Variants in FLVCR2 observed in about 807,000 individuals in gnomAD.
FLVCR2 encodes the protein FLVCR choline and putative heme transporter 2.
FLVCR2 carries 38 observed loss-of-function variants against 48.9 expected under a neutral mutation model. That is an observed-to-expected ratio of 0.78 (90% CI 0.60 to 1.02). The LOEUF is 1.02. Ranked by LOEUF, FLVCR2 falls within the 50% of genes least tolerant of loss-of-function variation. The probability of loss-of-function intolerance (pLI) is 0.00; values close to 1 mark genes in which losing one functional copy is unlikely to be tolerated. For synonymous variants in FLVCR2, 255 were observed against 257.0 expected, an observed-to-expected ratio of 0.99 and a Z score of 0.07; for missense variants, 664 against 663.3, an observed-to-expected ratio of 1.00 and a Z score of -0.01.
intron 1 of FLVCR2, among the ~76,000 whole-genome samples, chr14:75,613,030 G>A (rs1415379108): frequency 6.6e-6 from 1 of 152,184 alleles, no homozygotes; most frequent in Non-Finnish European, 1.5e-5. Context: ...TGCCTAAATA[G>A]TACCAACTTT....
At chr14:75,633,509 C>T (rs1374985422) in intron 3 of FLVCR2, 120 bp from the exon 4 acceptor site, 2 of 813,674 alleles carry the variant, frequency 2.5e-6, no homozygotes, top group African/African-American at 1.7e-5. Context: ...TCTGAGGATA[C>T]TGCTCAGAGT....
At chr14:75,595,670 G>A (rs1889000816) in intron 1 of FLVCR2, 1 of 588,402 alleles carries the variant, frequency 1.7e-6, no homozygotes, top group Non-Finnish European at 3.0e-6. Flanking sequence ...GCTATTGACA[G>A]CAAACAGAGT....
At chr14:75,611,439 AAAACC>A (rs1478443549) in intron 1 of FLVCR2, among the ~76,000 whole-genome samples, 7 of 152,280 alleles carry the variant, frequency 4.6e-5, no homozygotes, top group South Asian at 2.1e-4. Context: ...CTCATCTGTA[AAAACC>A]AAACCAGAGG....
At chr14:75,582,779 G>A (rs900830228) in intron 1 of FLVCR2, among the ~76,000 whole-genome samples, 14 of 152,218 alleles carry the variant, frequency 9.2e-5, no homozygotes, top group Admixed American at 5.9e-4. Flanking sequence ...TATGGGGTCA[G>A]CTAGGTTTGC....
chr14:75,613,633 C>T (rs1889522392), intron 1 of FLVCR2, among the ~76,000 whole-genome samples: 1 of 152,142 alleles, frequency 6.6e-6, no homozygotes, highest in African/African-American at 2.4e-5. Context: ...CCACTGCAAC[C>T]TCTGCCTCCC....
chr14:75,629,461 C>T (rs1473648414), intron 3 of FLVCR2, among the ~76,000 whole-genome samples: 3 of 152,130 alleles, frequency 2.0e-5, no homozygotes, highest in African/African-American at 7.2e-5. Flanking sequence ...TGTGGGAAGA[C>T]TCAGGGAACC....
Position 75,615,899 on chromosome 14 carries a change from A to G in FLVCR2, c.670-6180A>G, listed in dbSNP as rs185368317. Among the ~76,000 whole-genome samples the G allele has an allele frequency of 1.1e-3, 162 of 150,518 alleles. 2 individuals carry two copies. The highest frequency in any genetic ancestry group is 6.4e-3 in the East Asian group (33 of 5,158). ...AAAATTAGCCAGATGTGGTGGCGGG[A>G]ACCTGTAATCCCAGCTACTCGGGAA... On this transcript the variant is annotated intron_variant, in intron 1 of 9. Transcript: ENST00000238667.
At chr14:75,584,854 G>C (rs1888703620) in intron 1 of FLVCR2, among the ~76,000 whole-genome samples, 1 of 152,224 alleles carries the variant, frequency 6.6e-6, no homozygotes, top group African/African-American at 2.4e-5. Flanking sequence ...GGTCTGACAA[G>C]AAAGAGCCTA....
rs1890431308 is a variant in FLVCR2, at chr14:75,646,771, C to G, written c.*299C>G. The G allele has an allele frequency of 4.8e-6, 2 of 416,136 alleles. No homozygotes were observed. Among genetic ancestry groups the G allele is most frequent in the African/African-American group, 4.1e-5 (2 of 49,264 alleles). 25.8% of individuals were successfully genotyped at this position (416,136 alleles called of 1,614,324 possible). On this transcript the variant is annotated 3_prime_UTR_variant, in exon 10 of 10. Coordinates refer to ENST00000238667, the MANE Select transcript of FLVCR2 (RefSeq NM_017791.3). ...ATATTGGAGTCAATCCTAGCTTGGTCTCTTGCCTTCCCTCTTTTCCTCCAT... is the reference window on the plus strand; with the variant it reads ...ATATTGGAGTCAATCCTAGCTTGGTGTCTTGCCTTCCCTCTTTTCCTCCAT...
chr14:75,624,418 A>C (rs1594808497), intron 2 of FLVCR2, among the ~76,000 whole-genome samples, 194 bp from the exon 3 acceptor site: 1 of 152,164 alleles, frequency 6.6e-6, no homozygotes, highest in Non-Finnish European at 1.5e-5. Context: ...GTATCAAAGG[A>C]CCATTCACTC....
At chr14:75,614,021 G>GT (rs1490570513) in intron 1 of FLVCR2, among the ~76,000 whole-genome samples, 2 of 152,180 alleles carry the variant, frequency 1.3e-5, no homozygotes, top group African/African-American at 4.8e-5. Flanking sequence ...GTGCATAGAG[G>GT]TATGTAGATA....
intron 1 of FLVCR2, among the ~76,000 whole-genome samples, chr14:75,583,169 C>A (rs1319372556): frequency 6.6e-5 from 10 of 151,954 alleles, no homozygotes; most frequent in Non-Finnish European, 1.2e-4. Context: ...ACAGAATAAT[C>A]GGTTATGGAG....
At chr14:75,617,257 A>C (rs1889642365) in intron 1 of FLVCR2, among the ~76,000 whole-genome samples, 1 of 152,118 alleles carries the variant, frequency 6.6e-6, no homozygotes, top group South Asian at 2.1e-4. Flanking sequence ...GACATCATTC[A>C]AAGTATGGCT....
intron 1 of FLVCR2, among the ~76,000 whole-genome samples, chr14:75,607,723 T>A (rs1889330464): frequency 6.6e-6 from 1 of 152,080 alleles, no homozygotes; most frequent in Non-Finnish European, 1.5e-5. Context: ...GTAGGTGCCT[T>A]GAAAATGGTG....
rs1888519276 is a variant in FLVCR2 at position 75,578,875 on chromosome 14, A to T, written c.-98A>T. ...GTCTCTGTTTCTTCTGGAATAGGCA[A>T]GTGTCCTTTCAACTCTAAGAGACCA... On this transcript the variant is annotated 5_prime_UTR_variant, in exon 1 of 10. It adds an upstream start codon to the 5' untranslated region. Transcript: ENST00000238667. 8.9e-7 allele frequency: 1 copy of T among 1,118,296 alleles called. No homozygotes were observed. Among genetic ancestry groups the T allele is most frequent in the South Asian group, 1.3e-5 (1 of 78,772 alleles). 69.3% of individuals were successfully genotyped at this position (1,118,296 alleles called of 1,614,324 possible). A position where few individuals can be genotyped will look rare whatever the true frequency, so the allele number is the denominator to read the frequency against.
chr14:75,628,897 T>C, intron 3 of FLVCR2, among the ~76,000 whole-genome samples: 1 of 152,352 alleles, frequency 6.6e-6, no homozygotes, highest in Non-Finnish European at 1.5e-5. Context: ...AGACTGCCAG[T>C]CTGCCATTGC....
chr14:75,630,545 C>G (rs918172337), intron 3 of FLVCR2, among the ~76,000 whole-genome samples: 1 of 152,026 alleles, frequency 6.6e-6, no homozygotes, highest in Non-Finnish European at 1.5e-5. Flanking sequence ...CAGTAGTCAC[C>G]GGAACACAGT....
At chr14:75,598,044 T>G (rs1448508143) in intron 1 of FLVCR2, among the ~76,000 whole-genome samples, 3 of 151,708 alleles carry the variant, frequency 2.0e-5, no homozygotes, top group Admixed American at 1.3e-4. Context: ...GAGGTCTCGC[T>G]TTGTTGCCTA....
At chr14:75,604,535 C>T (rs886984327) in intron 1 of FLVCR2, among the ~76,000 whole-genome samples, 1 of 150,766 alleles carries the variant, frequency 6.6e-6, no homozygotes, top group African/African-American at 2.5e-5. Flanking sequence ...CCAGCCTGGG[C>T]AACATAGTAA....
Sources: gnomAD v4.1 joint callset for allele counts (sites outside exome capture counted in the v4.1 genomes callset) on GRCh38, gnomAD v4.1.1 for gene constraint, MANE v1.5 for transcripts, NCBI Gene and HGNC (gene_info 2026-07-23, HGNC 2026-07-21) for gene names.